Variants in SLC5A11 observed in about 807,000 individuals in gnomAD.
SLC5A11 encodes the protein sodium/myo-inositol cotransporter 2.
A neutral mutation model predicts 69.8 loss-of-function variants in SLC5A11; 48 were observed. That is an observed-to-expected ratio of 0.69 (90% confidence interval 0.55 to 0.87). The LOEUF is 0.87. Among genes scored for constraint, SLC5A11 ranks in the 40% least tolerant of loss-of-function variants. SLC5A11 has a pLI of 0.00. For synonymous variants in SLC5A11, 319 were observed against 342.4 expected (o/e 0.93, Z 0.75); for missense variants, 784 against 866.1 (o/e 0.91, Z 1.19).
chr16:24,887,692 A>AAT (rs1422813083), intron 8 of SLC5A11, among the ~76,000 whole-genome samples: 1 of 152,190 alleles, frequency 6.6e-6, no homozygotes, highest in African/African-American at 2.4e-5. Flanking sequence ...GCTTCTTATA[A>AAT]GCAGTTACAA....
chr16:24,882,787 A>G (rs1186059443), intron 7 of SLC5A11, among the ~76,000 whole-genome samples: 1 of 152,154 alleles, frequency 6.6e-6, no homozygotes, highest in African/African-American at 2.4e-5. Flanking sequence ...CTGGGATTAC[A>G]GGCATGCCCC....
intron 1 of SLC5A11, among the ~76,000 whole-genome samples, chr16:24,854,418 CT>C (rs2059439670): frequency 1.3e-5 from 2 of 151,132 alleles, no homozygotes; most frequent in South Asian, 4.2e-4. Context: ...ATCACTCCCC[CT>C]GTAAAGTAAA....
exon 15 of SLC5A11, chr16:24,910,317 G>C (rs751138463): frequency 6.2e-7 from 1 of 1,614,016 alleles, no homozygotes. Context: ...TCAGCCACCT[G>C]ACCTGGTTTA....
chr16:24,901,927 A>C (rs1483694149), intron 10 of SLC5A11, among the ~76,000 whole-genome samples: 6 of 126,810 alleles, frequency 4.7e-5, no homozygotes, highest in African/African-American at 1.9e-4. Context: ...TCTGGAAAAA[A>C]AAATACACAC....
At chr16:24,850,387 C>T (rs1243078823) in intron 1 of SLC5A11, among the ~76,000 whole-genome samples, 1 of 152,226 alleles carries the variant, frequency 6.6e-6, no homozygotes, top group African/African-American at 2.4e-5. Flanking sequence ...CCTTCTCTGC[C>T]TTCCAGGACT....
intron 1 of SLC5A11, among the ~76,000 whole-genome samples, chr16:24,854,047 G>A (rs1056311803): frequency 6.6e-6 from 1 of 152,012 alleles, no homozygotes; most frequent in African/African-American, 2.4e-5. Context: ...AGTTTCGCCG[G>A]CTGTGGGCCC....
At chr16:24,870,051 A>T in intron 4 of SLC5A11, 46 bp downstream of exon 5, 45 of 1,299,232 alleles carry the variant, frequency 3.5e-5, no homozygotes, top group Non-Finnish European at 4.4e-5. Flanking sequence ...CCTCTACCTA[A>T]CAGGTAGATC....
intron 9 of SLC5A11, 103 bp downstream of exon 10, chr16:24,891,177 C>A: frequency 1.8e-6 from 2 of 1,130,424 alleles, no homozygotes; most frequent in Non-Finnish European, 2.6e-6. Context: ...CTCTCATTTG[C>A]GTTTTCCCTG....
Position 24,866,062 on chromosome 16 carries a change from T to C in SLC5A11, c.207+3390T>C, listed in dbSNP as rs188339759. Among the ~76,000 whole-genome samples, 88 of 148,524 alleles carry C rather than the reference T, an allele frequency of 5.9e-4. 1 individual carries two copies. The highest frequency in any genetic ancestry group is 2.1e-3 in the African/African-American group (83 of 40,146). On this transcript the variant is annotated intron_variant, in intron 3 of 15. Coordinates refer to ENST00000347898, the Ensembl canonical transcript of SLC5A11. Reference sequence around the variant, plus strand: ...AAAATAGTAACAGAAACTATTGTTTTAATAAAGGAATTTAAATGGCATACT... The same window carrying C: ...AAAATAGTAACAGAAACTATTGTTTCAATAAAGGAATTTAAATGGCATACT...
At chr16:24,846,469 C>T (rs61606267) in intron 1 of SLC5A11, 31 bp downstream of exon 2, 5,937 of 152,912 alleles carry the variant, frequency 0.039, 401 homozygotes, top group African/African-American at 0.13. Flanking sequence ...AAACAGGTAG[C>T]CACTCTCCAA....
chr16:24,871,416 G>A (rs1440105673), intron 4 of SLC5A11, among the ~76,000 whole-genome samples: 2 of 151,964 alleles, frequency 1.3e-5, no homozygotes, highest in Non-Finnish European at 2.9e-5. Flanking sequence ...GACCACAGGT[G>A]CACGCCACCA....
At chr16:24,906,543 AT>A in intron 10 of SLC5A11, 113 bp from the exon 12 acceptor site, 1 of 542,734 alleles carries the variant, frequency 1.8e-6, no homozygotes, top group African/African-American at 1.9e-5. Context: ...ACTCTTTTTT[AT>A]TTCATTGAGC....
rs1327631469 is a variant in SLC5A11 at position 24,851,476 on chromosome 16, C to G, written c.-25+5038C>G. Among the ~76,000 whole-genome samples, 2 of 152,110 alleles carry G rather than the reference C, an allele frequency of 1.3e-5. 1 individual carries two copies. The highest frequency in any genetic ancestry group is 2.9e-5 in the Non-Finnish European group (2 of 68,004). ...AGGAGAATCGCTTGAAGCCAGGAGG[C>G]AGAGGTTGCAGTGAGCCAAGATTGC... On this transcript the variant is annotated intron_variant, in intron 1 of 15. Transcript: ENST00000347898.
chr16:24,877,410 G>A, intron 7 of SLC5A11, 47 bp downstream of exon 8: 4 of 1,436,354 alleles, frequency 2.8e-6, no homozygotes, highest in Non-Finnish European at 3.9e-6. Context: ...GTGGGCAGGG[G>A]CTGTGGGCCA....
At chr16:24,876,220 A>G (rs937486838) in intron 6 of SLC5A11, among the ~76,000 whole-genome samples, 2 of 150,018 alleles carry the variant, frequency 1.3e-5, no homozygotes, top group Non-Finnish European at 3.0e-5. Context: ...AAAAAAAAAG[A>G]AGAAATTGGG....
At chr16:24,872,741 C>T (rs1327199324) in intron 5 of SLC5A11, among the ~76,000 whole-genome samples, 7 of 150,878 alleles carry the variant, frequency 4.6e-5, no homozygotes, top group Admixed American at 4.0e-4. Context: ...AGGCTGGTCT[C>T]GAACTCCTGG....
At chr16:24,906,584 C>A in intron 10 of SLC5A11, 73 bp from the exon 12 acceptor site, 2 of 875,958 alleles carry the variant, frequency 2.3e-6, no homozygotes, top group Non-Finnish European at 3.6e-6. Flanking sequence ...AGCCTGTGTC[C>A]GGCCCCATGT....
chr16:24,860,715 T>G (rs554719030), intron 2 of SLC5A11, among the ~76,000 whole-genome samples: 1 of 150,712 alleles, frequency 6.6e-6, no homozygotes, highest in Non-Finnish European at 1.5e-5. Flanking sequence ...TTGTTTTTTG[T>G]TTTTTGTTTT....
chr16:24,908,069 C>A, exon 13 of SLC5A11: 1 of 1,610,910 alleles, frequency 6.2e-7, no homozygotes, highest in African/African-American at 1.3e-5. Context: ...CAGCTCCTAC[C>A]TGCAGCCGCC....
Sources: allele counts gnomAD v4.1 joint callset (sites outside exome capture counted in the v4.1 genomes callset), GRCh38; gene constraint gnomAD v4.1.1; transcripts MANE v1.5; gene names NCBI Gene and HGNC (gene_info 2026-07-23, HGNC 2026-07-21).